Variants in IL31RA observed in about 807,000 individuals in gnomAD.
The protein encoded by IL31RA is interleukin-31 receptor subunit alpha.
IL31RA carries 66 observed loss-of-function variants against 83.7 expected under a neutral mutation model. The observed-to-expected ratio is 0.79, with a 90% CI of 0.65 to 0.97. The LOEUF (loss-of-function observed/expected upper bound fraction) is 0.97. Ranked by LOEUF, IL31RA falls within the 50% of genes least tolerant of loss-of-function variation. The pLI, the probability that IL31RA is intolerant of heterozygous loss-of-function variation, is 0.00. For synonymous variants in IL31RA, 325 were observed against 329.0 expected, an observed-to-expected ratio of 0.99 and a Z score of 0.13; for missense variants, 798 against 919.4, an observed-to-expected ratio of 0.87 and a Z score of 1.71.
At chr5:55,884,059 A>G (rs1372517581) in intron 5 of IL31RA, among the ~76,000 whole-genome samples, 1 of 152,150 alleles carries the variant, frequency 6.6e-6, no homozygotes, top group Non-Finnish European at 1.5e-5. Flanking sequence ...TCACATGTTT[A>G]TTGGCCCTTT....
At position 55,922,702 on chromosome 5, in the gene IL31RA, A is replaced by C; in HGVS notation, c.*5582A>C. The C allele has an allele frequency of 2.1e-6, 1 of 470,480 alleles. No homozygotes were observed. The highest frequency in any genetic ancestry group is 3.7e-6 in the Non-Finnish European group (1 of 267,180). The allele number at this position is 470,480 out of a possible 1,614,324, so 29.1% of individuals were successfully genotyped here. On this transcript the variant is annotated 3_prime_UTR_variant, in exon 15 of 15. Transcript: ENST00000652347. ...CTTTTGTATTTGGGCCTTTCATACA[A>C]AAAAGCCATAATACCATTTTCATGT...
intron 4 of IL31RA, among the ~76,000 whole-genome samples, chr5:55,878,697 AG>A (rs1747008114): frequency 6.6e-6 from 1 of 151,860 alleles, no homozygotes; most frequent in Non-Finnish European, 1.5e-5. Context: ...TCTGTTGCCC[AG>A]GCTGGAGTTC....
At chr5:55,890,363 ATTTGT>A (rs758425306) in intron 6 of IL31RA, among the ~76,000 whole-genome samples, 3 of 151,982 alleles carry the variant, frequency 2.0e-5, no homozygotes, top group East Asian at 1.9e-4. Context: ...GTATCATATC[ATTTGT>A]TTTGTTTTGT....
the IL31RA span, among the ~76,000 whole-genome samples, chr5:55,842,905 G>A: frequency 1.3e-5 from 2 of 152,158 alleles, no homozygotes; most frequent in East Asian, 3.8e-4. Flanking sequence ...TTTCGTCTGG[G>A]ATTGTACTCT....
chr5:55,884,483 G>A (rs1747457335), intron 5 of IL31RA, among the ~76,000 whole-genome samples: 1 of 152,146 alleles, frequency 6.6e-6, no homozygotes, highest in Non-Finnish European at 1.5e-5. Context: ...TACCCAGGCT[G>A]GAGTGCAGTG....
At chr5:55,840,837 A>G in the IL31RA span, among the ~76,000 whole-genome samples, 1 of 151,978 alleles carries the variant, frequency 6.6e-6, no homozygotes, top group African/African-American at 2.4e-5. Flanking sequence ...TTATGCCTGT[A>G]TTTTTCTCAT....
chr5:55,855,316 A>AAAAT lies in IL31RA; in HGVS notation c.63+3684_63+3685insAATA, dbSNP rs1554083865. Among the ~76,000 whole-genome samples the AAAAT allele has an allele frequency of 4.7e-3, 691 of 145,896 alleles. 4 individuals are homozygous for AAAAT. The highest frequency in any genetic ancestry group is 0.016 in the African/African-American group (654 of 40,056). On this transcript the variant is annotated intron_variant, in intron 1 of 14. Coordinates refer to ENST00000652347, the MANE Select transcript of IL31RA (RefSeq NM_139017.7). ...GCACCATGACACTCAGATAATTTAA[A>AAAAT]ATATATATATATATATATTTTTAGA...
intron 2 of IL31RA, among the ~76,000 whole-genome samples, chr5:55,864,959 G>A (rs112401526): frequency 1.3e-5 from 2 of 152,222 alleles, no homozygotes; most frequent in African/African-American, 4.8e-5. Flanking sequence ...TCTGAGCCAT[G>A]GAGACAGGGA....
At chr5:55,870,993 G>A (rs1746472430) in intron 3 of IL31RA, among the ~76,000 whole-genome samples, 1 of 152,176 alleles carries the variant, frequency 6.6e-6, no homozygotes, top group African/African-American at 2.4e-5. Context: ...TACAATTATA[G>A]TAATAACAGC....
intron 4 of IL31RA, among the ~76,000 whole-genome samples, chr5:55,874,387 T>G (rs1364497148): frequency 6.6e-6 from 1 of 152,088 alleles, no homozygotes; most frequent in Non-Finnish European, 1.5e-5. Flanking sequence ...AGCTGTTGGG[T>G]CCCTTGCATT....
chr5:55,888,041 GA>G (rs111442550), intron 5 of IL31RA, among the ~76,000 whole-genome samples: 87 of 137,110 alleles, frequency 6.3e-4, no homozygotes, highest in Middle Eastern at 3.6e-3. Context: ...CAGAGTCAGG[GA>G]AAAAAAAAAA....
At chr5:55,876,789 C>T (rs908534703) in intron 4 of IL31RA, among the ~76,000 whole-genome samples, 2 of 151,670 alleles carry the variant, frequency 1.3e-5, no homozygotes, top group Non-Finnish European at 2.9e-5. Flanking sequence ...TTTATAGAGA[C>T]TTGCTATGTT....
intron 6 of IL31RA, among the ~76,000 whole-genome samples, chr5:55,891,685 C>T (rs779198260): frequency 6.9e-6 from 1 of 144,374 alleles, no homozygotes; most frequent in African/African-American, 2.5e-5. Flanking sequence ...ATCTCAAGAT[C>T]ATTAACTTAA....
the IL31RA span, chr5:55,839,977 C>T: frequency 3.8e-5 from 23 of 606,942 alleles, no homozygotes; most frequent in Middle Eastern, 2.6e-3. Context: ...CAGGGCAAGC[C>T]GTGGACCTTC....
chr5:55,853,461 C>T (rs1346746413), intron 1 of IL31RA: 1 of 1,543,280 alleles, frequency 6.5e-7, no homozygotes, highest in Non-Finnish European at 8.7e-7. Context: ...AATTAAAGTC[C>T]AGATTGTTCT....
intron 11 of IL31RA, among the ~76,000 whole-genome samples, chr5:55,909,798 A>G (rs560475038): frequency 6.6e-6 from 1 of 150,754 alleles, no homozygotes; most frequent in East Asian, 1.9e-4. Flanking sequence ...TCCACCTCCC[A>G]GGTTCAAGCG....
chr5:55,877,683 T>A (rs980352382), intron 4 of IL31RA, among the ~76,000 whole-genome samples: 1 of 152,248 alleles, frequency 6.6e-6, no homozygotes, highest in Non-Finnish European at 1.5e-5. Flanking sequence ...CCTTCTGGGC[T>A]CTAAGGTTTT....
intron 6 of IL31RA, among the ~76,000 whole-genome samples, chr5:55,890,340 T>G (rs1747908042): frequency 6.6e-6 from 1 of 152,196 alleles, no homozygotes; most frequent in Non-Finnish European, 1.5e-5. Context: ...GTTCTTATAC[T>G]ATACATGAAA....
chr5:55,909,297 C>T (rs1430729249), intron 11 of IL31RA, among the ~76,000 whole-genome samples: 2 of 152,122 alleles, frequency 1.3e-5, no homozygotes, highest in Non-Finnish European at 2.9e-5. Context: ...AGTTGATGAA[C>T]ATTTAGGGTG....
Sources: gnomAD v4.1 joint callset for allele counts (sites outside exome capture counted in the v4.1 genomes callset) on GRCh38, gnomAD v4.1.1 for gene constraint, MANE v1.5 for transcripts, NCBI Gene and HGNC (gene_info 2026-07-23, HGNC 2026-07-21) for gene names.